KCNN2: variants seen among roughly 807,000 people sequenced by gnomAD.
KCNN2 encodes the protein potassium calcium-activated channel subfamily N member 2.
A neutral mutation model predicts 55.5 loss-of-function variants in KCNN2; 24 were observed. The observed-to-expected ratio is 0.43, with a 90% CI of 0.31 to 0.61. The LOEUF is 0.61. Ranked by LOEUF, KCNN2 falls within the 20% of genes least tolerant of loss-of-function variation. KCNN2 has a pLI of 0.08. For synonymous variants in KCNN2, 431 were observed against 336.1 expected, an observed-to-expected ratio of 1.28 and a Z score of -3.09; for missense variants, 754 against 853.6, an observed-to-expected ratio of 0.88 and a Z score of 1.45.
At chr5:114,271,786 C>T (rs1218429540) in intron 2 of KCNN2, among the ~76,000 whole-genome samples, 1 of 152,140 alleles carries the variant, frequency 6.6e-6, no homozygotes, top group Admixed American at 6.6e-5. Flanking sequence ...GAAGCTTGGG[C>T]TTCTGAATCT....
intron 2 of KCNN2, among the ~76,000 whole-genome samples, chr5:114,271,901 C>G (rs899644020): frequency 2.0e-5 from 3 of 152,022 alleles, no homozygotes. Context: ...GGTTATCATA[C>G]TAAGGTCCTA....
At chr5:114,395,739 A>G (rs1758594980) in intron 2 of KCNN2, among the ~76,000 whole-genome samples, 1 of 152,178 alleles carries the variant, frequency 6.6e-6, no homozygotes, top group Non-Finnish European at 1.5e-5. Flanking sequence ...ACCACTGGAC[A>G]GTTTTTAATT....
chr5:114,070,165 C>T (rs886515553), intron 1 of KCNN2, among the ~76,000 whole-genome samples: 1 of 152,104 alleles, frequency 6.6e-6, no homozygotes, highest in African/African-American at 2.4e-5. Context: ...TAGTTGAGAG[C>T]AACTGTCTCG....
At chr5:114,343,969 C>T (rs776244869) in intron 2 of KCNN2, among the ~76,000 whole-genome samples, 4 of 152,166 alleles carry the variant, frequency 2.6e-5, no homozygotes, top group Non-Finnish European at 5.9e-5. Context: ...CCTTTCTCTT[C>T]ACACTTTGGT....
chr5:114,318,186 C>T (rs1370174874), intron 2 of KCNN2, among the ~76,000 whole-genome samples: 1 of 152,090 alleles, frequency 6.6e-6, no homozygotes, highest in Non-Finnish European at 1.5e-5. Flanking sequence ...AGTTTAGTTT[C>T]CTTTTTGCTT....
At chr5:114,359,239 G>A (rs1757359554), upstream of KCNN2, among the ~76,000 whole-genome samples, 1 of 152,090 alleles carries the variant, frequency 6.6e-6, no homozygotes, top group East Asian at 1.9e-4. Flanking sequence ...TTGGTGTTCC[G>A]ACAGTCCCTC....
chr5:114,406,841 T>C (rs556447845), intron 3 of KCNN2, among the ~76,000 whole-genome samples: 2 of 152,210 alleles, frequency 1.3e-5, no homozygotes, highest in African/African-American at 4.8e-5. Context: ...CCAGTAGTTT[T>C]GAAGCAAAGG....
intron 1 of KCNN2, among the ~76,000 whole-genome samples, chr5:114,140,987 C>T (rs1580549237): frequency 6.6e-6 from 1 of 151,744 alleles, no homozygotes; most frequent in Non-Finnish European, 1.5e-5. Context: ...CGGGGTTTCA[C>T]CATTTTGGTC....
chr5:114,358,997 ATTATC>A (rs888387770), upstream of KCNN2, among the ~76,000 whole-genome samples: 6 of 152,306 alleles, frequency 3.9e-5, no homozygotes, highest in African/African-American at 1.4e-4. Flanking sequence ...ATGAAACAAA[ATTATC>A]TTGTGTTTTT....
At chr5:114,299,242 C>T (rs1756101069) in intron 2 of KCNN2, among the ~76,000 whole-genome samples, 1 of 152,094 alleles carries the variant, frequency 6.6e-6, no homozygotes, top group Non-Finnish European at 1.5e-5. Context: ...CAGGTCTTCT[C>T]ATTCACACAT....
rs942340573 is a variant in KCNN2, at chr5:114,487,091, A to T, written c.1932A>T (p.Leu644=). ...AAANVLRETW[L]IYKNTKLVKK... ...CCAATGTACTCAGGGAAACATGGCTAATTTACAAAAATACAAAGCTAGTGA... is the reference window on the plus strand; with the variant it reads ...CCAATGTACTCAGGGAAACATGGCTTATTTACAAAAATACAAAGCTAGTGA... Residue 644 remains leucine (L), a synonymous_variant, in exon 6 of 8, where the codon CTA becomes CTT. Coordinates refer to ENST00000673685, the MANE Select transcript of KCNN2 (RefSeq NM_021614.4). The T allele has an allele frequency of 1.9e-6, 3 of 1,612,854 alleles. No homozygotes were observed. The highest frequency in any genetic ancestry group is 2.5e-6 in the Non-Finnish European group (3 of 1,179,094).
intron 3 of KCNN2, among the ~76,000 whole-genome samples, chr5:114,407,805 T>A (rs1284182984): frequency 6.6e-6 from 1 of 152,170 alleles, no homozygotes; most frequent in East Asian, 1.9e-4. Context: ...TATGCAAGCA[T>A]TTGCTTGTTC....
intron 1 of KCNN2, among the ~76,000 whole-genome samples, chr5:114,165,068 A>T (rs1752880889): frequency 6.6e-6 from 1 of 152,226 alleles, no homozygotes; most frequent in Non-Finnish European, 1.5e-5. Flanking sequence ...GTCGGATACA[A>T]ATCCAAGTAG....
chr5:114,126,950 T>G (rs1330426487), intron 1 of KCNN2, among the ~76,000 whole-genome samples: 2 of 152,184 alleles, frequency 1.3e-5, no homozygotes, highest in African/African-American at 4.8e-5. Flanking sequence ...TCATTAAACC[T>G]TAAAGTTCCA....
intron 1 of KCNN2, among the ~76,000 whole-genome samples, chr5:114,140,581 G>T (rs1468398016): frequency 6.6e-6 from 1 of 151,992 alleles, no homozygotes; most frequent in African/African-American, 2.4e-5. Context: ...GAAAATAACT[G>T]AAGAGAAAAA....
chr5:114,454,583 A>T (rs1390026441), intron 3 of KCNN2, among the ~76,000 whole-genome samples: 2 of 152,120 alleles, frequency 1.3e-5, no homozygotes, highest in Non-Finnish European at 2.9e-5. Flanking sequence ...CAGGTATGGG[A>T]AGTGAAGGAA....
chr5:114,136,268 T>G (rs1247072354), intron 1 of KCNN2, among the ~76,000 whole-genome samples: 1 of 152,128 alleles, frequency 6.6e-6, no homozygotes, highest in Non-Finnish European at 1.5e-5. Flanking sequence ...TGCTATATCT[T>G]GAGAGTGGGT....
chr5:114,402,510 A>T lies in KCNN2; in HGVS notation c.1219-1928A>T, dbSNP rs773176203. Among the ~76,000 whole-genome samples, 5 of 152,334 alleles carry T rather than the reference A, an allele frequency of 3.3e-5. No homozygotes were observed. In the South Asian group the frequency reaches 8.3e-4, roughly 25 times the overall value. ...GAACTAGACTATAGGCTATTGATGCAAGAGAACTGGATTTTGGTGAAACAT... is the reference window on the plus strand; with the variant it reads ...GAACTAGACTATAGGCTATTGATGCTAGAGAACTGGATTTTGGTGAAACAT... On this transcript the variant is annotated intron_variant, in intron 2 of 7. Transcript: ENST00000673685.
intron 1 of KCNN2, among the ~76,000 whole-genome samples, chr5:114,125,646 A>G (rs1045887107): frequency 3.9e-5 from 6 of 152,318 alleles, no homozygotes; most frequent in South Asian, 4.1e-4. Flanking sequence ...TAGGGCTACC[A>G]TAAGTACCAT....
Sources: gnomAD v4.1 joint callset for allele counts (sites outside exome capture counted in the v4.1 genomes callset) on GRCh38, gnomAD v4.1.1 for gene constraint, MANE v1.5 for transcripts, NCBI Gene and HGNC (gene_info 2026-07-23, HGNC 2026-07-21) for gene names.